ABCC4: variants seen among roughly 807,000 people sequenced by gnomAD.
ABCC4 encodes ATP-binding cassette sub-family C member 4.
Under a neutral mutation model 168.5 loss-of-function variants are expected in ABCC4, and 102 were observed. The observed-to-expected ratio is 0.61, with a 90% CI of 0.52 to 0.71. ABCC4 has a LOEUF of 0.71. ABCC4 is among the 30% of genes least tolerant of loss of function. The probability of loss-of-function intolerance (pLI) is 0.00; values close to 1 mark genes in which losing one functional copy is unlikely to be tolerated. For synonymous variants in ABCC4, 617 were observed against 590.7 expected (o/e 1.04, Z -0.65); for missense variants, 1,402 against 1,605.8 (o/e 0.87, Z 2.17).
intron 4 of ABCC4, among the ~76,000 whole-genome samples, chr13:95,223,124 A>G (rs1594329460): frequency 6.6e-6 from 1 of 152,146 alleles, no homozygotes; most frequent in African/African-American, 2.4e-5. Flanking sequence ...AAAATTTCCA[A>G]AGTTCTGCCC....
At chr13:95,126,022 T>C (rs1406552057) in intron 19 of ABCC4, among the ~76,000 whole-genome samples, 1 of 152,160 alleles carries the variant, frequency 6.6e-6, no homozygotes, top group Admixed American at 6.5e-5. Flanking sequence ...TGCACATGTG[T>C]ACAGTTTGCA....
At chr13:95,025,223 C>CCTA (rs2031379713) in intron 30 of ABCC4, among the ~76,000 whole-genome samples, 1 of 46,004 alleles carries the variant, frequency 2.2e-5, no homozygotes, top group Non-Finnish European at 4.2e-5. Flanking sequence ...CCACACACCC[C>CCTA]CACACACACC....
intron 4 of ABCC4, among the ~76,000 whole-genome samples, chr13:95,215,840 G>A (rs1042965186): frequency 6.6e-6 from 1 of 152,060 alleles, no homozygotes; most frequent in African/African-American, 2.4e-5. Context: ...GTAAACTTTT[G>A]GCTTTAAGGA....
Position 95,121,436 on chromosome 13 carries a change from T to G in ABCC4, c.2456-5435A>C, listed in dbSNP as rs369073505. Reference sequence around the variant, plus strand: ...ACTTTATGGGGTTTTTTTTTGTTTTTTTTTTTTTGAGAAAAGGTCTCACTC... The same window carrying G: ...ACTTTATGGGGTTTTTTTTTGTTTTGTTTTTTTTGAGAAAAGGTCTCACTC... On this transcript the variant is annotated intron_variant, in intron 19 of 30. Transcript: ENST00000645237. Among the ~76,000 whole-genome samples, 41 of 151,348 alleles carry G rather than the reference T, an allele frequency of 2.7e-4. No homozygotes were observed. The East Asian group carries it at 6.2e-3, about 23-fold the overall frequency.
chr13:95,084,741 A>G (rs574239821), intron 20 of ABCC4, among the ~76,000 whole-genome samples: 1 of 152,328 alleles, frequency 6.6e-6, no homozygotes, highest in Non-Finnish European at 1.5e-5. Flanking sequence ...ATAGCAAATG[A>G]CATGTATGAG....
At chr13:95,102,747 A>G (rs1051393164) in intron 20 of ABCC4, among the ~76,000 whole-genome samples, 1 of 151,144 alleles carries the variant, frequency 6.6e-6, no homozygotes, top group Non-Finnish European at 1.5e-5. Flanking sequence ...CAGCCCCCCA[A>G]GTAGCTGGTA....
chr13:95,195,056 C>T, intron 8 of ABCC4, 119 bp from the exon 9 acceptor site: 2 of 737,362 alleles, frequency 2.7e-6, no homozygotes, highest in Non-Finnish European at 4.6e-6. Context: ...GATCATTTTA[C>T]CAACCCTATT....
Position 95,102,820 on chromosome 13 carries a change from C to T in ABCC4, c.2535+13102G>A, listed in dbSNP as rs2034859767. ...ATTTTTAGTAGAGATGGGGTTTCAC[C>T]ATGTTGGCCAGGCTGGTCTCAAACT... On this transcript the variant is annotated intron_variant, in intron 20 of 30. Transcript: ENST00000645237. Among the ~76,000 whole-genome samples the T allele has an allele frequency of 2.0e-5, 3 of 150,430 alleles. No homozygotes were observed. In the South Asian group the frequency reaches 6.3e-4, roughly 32 times the overall value.
At chr13:95,271,908 C>T (rs1212625917) in intron 1 of ABCC4, among the ~76,000 whole-genome samples, 1 of 152,154 alleles carries the variant, frequency 6.6e-6, no homozygotes, top group African/African-American at 2.4e-5. Flanking sequence ...CCTCTCCCCA[C>T]CAACTTTAAG....
Position 95,148,841 on chromosome 13 carries a change from C to T in ABCC4, c.2455+12348G>A, listed in dbSNP as rs554908021. The T allele has an allele frequency of 2.0e-5, 3 of 152,262 alleles. No individual in the cohort carries two copies. In the East Asian group the frequency reaches 5.8e-4, roughly 29 times the overall value. The allele number at this position is 152,262 out of a possible 1,614,324, so 9.4% of individuals were successfully genotyped here. A position where few individuals can be genotyped will look rare whatever the true frequency, so the allele number is the denominator to read the frequency against. ...CATATAAAATTTCAAACCCTAATCT[C>T]ATCTAGAACATTTAGCTACTTTGGT... On this transcript the variant is annotated intron_variant, in intron 19 of 30. Transcript: ENST00000645237.
chr13:95,034,813 C>A, intron 29 of ABCC4, 74 bp from the exon 30 acceptor site: 1 of 1,599,446 alleles, frequency 6.3e-7, no homozygotes. Flanking sequence ...GACAATATTT[C>A]GGAAAGGGGC....
At chr13:95,079,908 C>T (rs1457800680) in intron 21 of ABCC4, among the ~76,000 whole-genome samples, 1 of 152,166 alleles carries the variant, frequency 6.6e-6, no homozygotes, top group South Asian at 2.1e-4. Flanking sequence ...AAGTGGTAGA[C>T]TTGGGCATGG....
chr13:95,275,328 A>G (rs894229832), intron 1 of ABCC4, among the ~76,000 whole-genome samples: 1 of 152,202 alleles, frequency 6.6e-6, no homozygotes, highest in African/African-American at 2.4e-5. Flanking sequence ...CCACCACCCT[A>G]CATTCTTAGG....
chr13:95,117,772 T>C (rs1184391493), intron 19 of ABCC4, among the ~76,000 whole-genome samples: 1 of 150,158 alleles, frequency 6.7e-6, no homozygotes, highest in Non-Finnish European at 1.5e-5. Context: ...GAAAGCAATA[T>C]TCAAATTAAA....
At chr13:95,150,142 T>C (rs908790533) in intron 19 of ABCC4, among the ~76,000 whole-genome samples, 1 of 152,020 alleles carries the variant, frequency 6.6e-6, no homozygotes, top group Admixed American at 6.6e-5. Flanking sequence ...CACAGCTAAT[T>C]TTTTTTAGAG....
intron 26 of ABCC4, among the ~76,000 whole-genome samples, chr13:95,059,915 T>G (rs756204113): frequency 3.3e-5 from 5 of 152,180 alleles, no homozygotes; most frequent in Non-Finnish European, 7.3e-5. Context: ...TTACTAGGTT[T>G]GGTTTAAGGA....
chr13:95,047,371 G>A (rs2032621152), intron 27 of ABCC4, among the ~76,000 whole-genome samples: 1 of 151,670 alleles, frequency 6.6e-6, no homozygotes, highest in Admixed American at 6.6e-5. Flanking sequence ...CAGTCAGTAT[G>A]TGTAGCATTT....
intron 4 of ABCC4, among the ~76,000 whole-genome samples, chr13:95,224,574 C>A (rs1020356115): frequency 4.6e-5 from 7 of 151,822 alleles, no homozygotes; most frequent in Non-Finnish European, 1.0e-4. Context: ...CCATCTCTAC[C>A]AAAAATACAA....
intron 8 of ABCC4, among the ~76,000 whole-genome samples, chr13:95,197,081 G>C (rs951891436): frequency 1.8e-4 from 28 of 152,060 alleles, no homozygotes; most frequent in African/African-American, 6.8e-4. Flanking sequence ...GCTGCAGCTG[G>C]GACCGAAACT....
Sources: gnomAD v4.1 joint callset for allele counts (sites outside exome capture counted in the v4.1 genomes callset) on GRCh38, gnomAD v4.1.1 for gene constraint, MANE v1.5 for transcripts, NCBI Gene and HGNC (gene_info 2026-07-23, HGNC 2026-07-21) for gene names.